The following RBMS3 variants were observed in gnomAD, a reference collection of about 807,000 sequenced individuals.
The protein encoded by RBMS3 is RNA binding motif single stranded interacting protein 3, also known as RNA-binding motif, single-stranded-interacting protein 3.
Under a neutral mutation model 66.8 loss-of-function variants are expected in RBMS3, and 27 were observed. The ratio of observed to expected loss-of-function variants is 0.40; its 90% CI spans 0.30 to 0.56. RBMS3 has a LOEUF of 0.56. Ranked by LOEUF, RBMS3 falls within the 20% of genes least tolerant of loss-of-function variation. The pLI, the probability that RBMS3 is intolerant of heterozygous loss-of-function variation, is 0.40. For missense variants in RBMS3, 513 were observed against 549.5 expected (o/e 0.93, Z 0.66); for synonymous variants, 188 against 183.0 (o/e 1.03, Z -0.22).
At chr3:29,947,736 T>C (rs1282058222) in intron 12 of RBMS3, among the ~76,000 whole-genome samples, 1 of 151,448 alleles carries the variant, frequency 6.6e-6, no homozygotes, top group East Asian at 2.0e-4. Flanking sequence ...TGTAAAGGCA[T>C]AGTAAAATGC....
chr3:29,921,093 A>C (rs1466358504), intron 10 of RBMS3, among the ~76,000 whole-genome samples: 2 of 151,602 alleles, frequency 1.3e-5, no homozygotes, highest in African/African-American at 4.8e-5. Context: ...ATGGAGTTTC[A>C]CTCTTGTTGC....
chr3:29,553,684 G>T (rs1358958443), intron 3 of RBMS3, among the ~76,000 whole-genome samples: 1 of 151,756 alleles, frequency 6.6e-6, no homozygotes. Flanking sequence ...CATCACATGT[G>T]CATATATAAT....
intron 6 of RBMS3, among the ~76,000 whole-genome samples, chr3:29,820,188 C>CAAAAAAA (rs71091078): frequency 3.0e-4 from 21 of 69,826 alleles, no homozygotes; most frequent in Admixed American, 6.0e-4. Context: ...GACTTCTTCT[C>CAAAAAAA]AAAAAAAAAA....
intron 7 of RBMS3, among the ~76,000 whole-genome samples, chr3:29,879,099 AGTTATT>A (rs1347953313): frequency 1.3e-5 from 2 of 152,106 alleles, no homozygotes; most frequent in African/African-American, 2.4e-5. Flanking sequence ...CAAAAAAAAA[AGTTATT>A]GTTATACTAC....
intron 1 of RBMS3, among the ~76,000 whole-genome samples, chr3:29,429,169 C>A (rs2041084420): frequency 6.6e-6 from 1 of 152,080 alleles, no homozygotes; most frequent in Non-Finnish European, 1.5e-5. Flanking sequence ...GGTCATTTAC[C>A]CTTTTTGTGC....
chr3:29,365,672 A>T lies in RBMS3; in HGVS notation c.76-69071A>T, dbSNP rs557623205. ...TCTCTGTTAGTCCTTAATTTCTCCTATGGATGCAATGTCCATTGCCCTGGC... is the reference window on the plus strand; with the variant it reads ...TCTCTGTTAGTCCTTAATTTCTCCTTTGGATGCAATGTCCATTGCCCTGGC... On this transcript the variant is annotated intron_variant, in intron 1 of 14. Coordinates refer to ENST00000383767, the MANE Select transcript of RBMS3 (RefSeq NM_001003793.3). Among the ~76,000 whole-genome samples, 8 of 152,248 alleles carry T rather than the reference A, an allele frequency of 5.3e-5. No homozygotes were observed. In the South Asian group the frequency reaches 1.7e-3, roughly 32 times the overall value.
chr3:29,972,200 T>C (rs1697274437), intron 12 of RBMS3, among the ~76,000 whole-genome samples: 1 of 152,110 alleles, frequency 6.6e-6, no homozygotes, highest in South Asian at 2.1e-4. Flanking sequence ...TTTTTTGCTT[T>C]TGTTTCTTTA....
intron 3 of RBMS3, among the ~76,000 whole-genome samples, chr3:29,533,627 C>G (rs1433056691): frequency 6.6e-6 from 1 of 151,964 alleles, no homozygotes; most frequent in Non-Finnish European, 1.5e-5. Context: ...AATATAAAAA[C>G]TTAGTGGGGC....
intron 4 of RBMS3, among the ~76,000 whole-genome samples, chr3:29,736,628 T>C (rs897072236): frequency 2.4e-4 from 36 of 152,210 alleles, no homozygotes; most frequent in African/African-American, 6.3e-4. Flanking sequence ...CACTCATTGG[T>C]AGGCTCTGGG....
At chr3:29,548,523 T>C (rs1272025630) in intron 3 of RBMS3, among the ~76,000 whole-genome samples, 2 of 151,676 alleles carry the variant, frequency 1.3e-5, no homozygotes, top group East Asian at 3.9e-4. Context: ...ATATATATGA[T>C]ATATGATTAA....
At chr3:29,943,429 G>T (rs563277765) in intron 11 of RBMS3, among the ~76,000 whole-genome samples, 2 of 151,900 alleles carry the variant, frequency 1.3e-5, no homozygotes, top group South Asian at 4.2e-4. Flanking sequence ...TAAAGAAATT[G>T]CAGTGAGCCA....
intron 5 of RBMS3, among the ~76,000 whole-genome samples, chr3:29,755,472 A>G (rs1472965696): frequency 1.3e-5 from 2 of 152,228 alleles, no homozygotes; most frequent in Non-Finnish European, 2.9e-5. Flanking sequence ...ATTCTACTGA[A>G]GAAAATTAAG....
At chr3:29,754,857 T>C (rs370447355) in intron 5 of RBMS3, among the ~76,000 whole-genome samples, 4 of 152,188 alleles carry the variant, frequency 2.6e-5, no homozygotes, top group African/African-American at 7.2e-5. Flanking sequence ...AATATGAAGA[T>C]AATGAGTGAG....
intron 6 of RBMS3, among the ~76,000 whole-genome samples, chr3:29,768,816 A>G (rs2056050073): frequency 1.3e-5 from 2 of 151,896 alleles, no homozygotes; most frequent in Non-Finnish European, 1.5e-5. Flanking sequence ...AAGCTCAATG[A>G]GGTTTCCTTT....
chr3:29,406,014 A>G (rs1027926186), intron 1 of RBMS3, among the ~76,000 whole-genome samples: 40 of 152,336 alleles, frequency 2.6e-4, no homozygotes, highest in African/African-American at 9.4e-4. Context: ...AAGAACTAAC[A>G]TAATTTCTGG....
At chr3:29,600,390 A>G (rs9877800) in intron 4 of RBMS3, among the ~76,000 whole-genome samples, 22,797 of 151,986 alleles carry the variant, frequency 0.15, 1,979 homozygotes, top group East Asian at 0.33. Flanking sequence ...CTATTAAAAA[A>G]AGCCTGCCAC....
At chr3:29,884,040 T>C in intron 7 of RBMS3, 122 bp from the exon 8 acceptor site, 1 of 815,878 alleles carries the variant, frequency 1.2e-6, no homozygotes, top group African/African-American at 1.7e-5. Flanking sequence ...GAGATATACA[T>C]AGGAGAAAAT....
chr3:29,806,516 A>G (rs1391326498), intron 6 of RBMS3, among the ~76,000 whole-genome samples: 2 of 151,968 alleles, frequency 1.3e-5, no homozygotes, highest in African/African-American at 4.8e-5. Flanking sequence ...GTTTTGATGG[A>G]TAGTGAAGAA....
intron 1 of RBMS3, among the ~76,000 whole-genome samples, chr3:29,362,103 C>T (rs1472849338): frequency 6.6e-6 from 1 of 152,188 alleles, no homozygotes; most frequent in Non-Finnish European, 1.5e-5. Context: ...AGCTGCATTC[C>T]TTTGGAGGAG....
Sources: allele counts gnomAD v4.1 joint callset (sites outside exome capture counted in the v4.1 genomes callset), GRCh38; gene constraint gnomAD v4.1.1; transcripts MANE v1.5; gene names NCBI Gene and HGNC (gene_info 2026-07-23, HGNC 2026-07-21).